Variants in DYNC1LI1 observed in about 807,000 individuals in gnomAD.
DYNC1LI1 encodes the protein dynein cytoplasmic 1 light intermediate chain 1.
DYNC1LI1 carries 19 observed loss-of-function variants against 63.8 expected under a neutral mutation model. That is an observed-to-expected ratio of 0.30 (90% CI 0.21 to 0.44). The LOEUF (loss-of-function observed/expected upper bound fraction) is 0.44, where lower values mean the gene tolerates loss of function less well. Among genes scored for constraint, DYNC1LI1 ranks in the 20% least tolerant of loss-of-function variants. The probability of loss-of-function intolerance (pLI) is 1.00; values close to 1 mark genes in which losing one functional copy is unlikely to be tolerated. For synonymous variants in DYNC1LI1, 225 were observed against 232.3 expected (o/e 0.97, Z 0.28); for missense variants, 565 against 630.2 (o/e 0.90, Z 1.11).
At chr3:32,549,994 C>A (rs538433303) in intron 2 of DYNC1LI1, among the ~76,000 whole-genome samples, 4 of 152,238 alleles carry the variant, frequency 2.6e-5, no homozygotes, top group Admixed American at 1.3e-4. Flanking sequence ...TAGAAATAAT[C>A]ATTGATAATT....
intron 12 of DYNC1LI1, among the ~76,000 whole-genome samples, chr3:32,527,848 T>C (rs1697641350): frequency 1.3e-5 from 2 of 152,066 alleles, no homozygotes; most frequent in South Asian, 2.1e-4. Context: ...AGGCCAGGCA[T>C]GGTGGCTCAT....
intron 2 of DYNC1LI1, among the ~76,000 whole-genome samples, chr3:32,569,748 CCTT>C (rs1316562428): frequency 3.3e-5 from 5 of 152,158 alleles, no homozygotes; most frequent in Admixed American, 3.3e-4. Flanking sequence ...GACCGTTTCT[CCTT>C]ATTACATCCA....
intron 2 of DYNC1LI1, 88 bp downstream of exon 2, chr3:32,570,258 A>T: frequency 9.0e-7 from 1 of 1,105,792 alleles, no homozygotes; most frequent in Non-Finnish European, 1.3e-6. Flanking sequence ...GGCTGTCCGC[A>T]CAAAGAGAGC....
At chr3:32,567,930 C>G (rs1431720260) in intron 2 of DYNC1LI1, among the ~76,000 whole-genome samples, 4 of 152,224 alleles carry the variant, frequency 2.6e-5, no homozygotes, top group African/African-American at 4.8e-5. Context: ...TCTCTAACTC[C>G]TAACTTCAGG....
rs1223417286 is a variant in DYNC1LI1, at chr3:32,557,504, G to A, written c.221-11539C>T. 5.9e-5 allele frequency among the ~76,000 whole-genome samples: 9 copies of A among 151,280 alleles called. No individual in the cohort carries two copies. The South Asian group carries it at 1.0e-3, about 18-fold the overall frequency. On this transcript the variant is annotated intron_variant, in intron 2 of 12. Coordinates refer to ENST00000273130, the MANE Select transcript of DYNC1LI1 (RefSeq NM_016141.4). The stretch of plus-strand genomic sequence containing the variant: ...ACCACTGCACTCCAGCCTGGGCAAC[G>A]AGAGCAAGACTCCGTCTCAAAAAAA...
chr3:32,546,247 A>T (rs1697951219), intron 2 of DYNC1LI1, among the ~76,000 whole-genome samples: 1 of 152,136 alleles, frequency 6.6e-6, no homozygotes. Context: ...GTCTCTACTA[A>T]AAGTAGAAAA....
At chr3:32,529,499 G>C in intron 11 of DYNC1LI1, 41 bp downstream of exon 11, 1 of 1,553,146 alleles carries the variant, frequency 6.4e-7, no homozygotes, top group Non-Finnish European at 8.7e-7. Flanking sequence ...TATTTCTCTT[G>C]TAAAATGTAT....
At chr3:32,553,492 T>G (rs1698071708) in intron 2 of DYNC1LI1, among the ~76,000 whole-genome samples, 1 of 152,318 alleles carries the variant, frequency 6.6e-6, no homozygotes, top group African/African-American at 2.4e-5. Flanking sequence ...TATTGTATAT[T>G]AATGAGTTTG....
intron 5 of DYNC1LI1, 70 bp from the exon 6 acceptor site, chr3:32,537,174 T>C (rs1209094427): frequency 1.2e-6 from 1 of 847,966 alleles, no homozygotes; most frequent in African/African-American, 1.8e-5. Flanking sequence ...ATTTAAACAG[T>C]TCAATTCTGG....
chr3:32,546,621 A>G (rs774336061), intron 2 of DYNC1LI1, among the ~76,000 whole-genome samples: 6 of 152,160 alleles, frequency 3.9e-5, no homozygotes, highest in Non-Finnish European at 8.8e-5. Flanking sequence ...TCTTACTCTT[A>G]GCTTTCAATC....
chr3:32,532,701 C>A (rs547029521), intron 8 of DYNC1LI1: 3 of 276,400 alleles, frequency 1.1e-5, no homozygotes, highest in Admixed American at 5.8e-5. Context: ...TTCACTCATG[C>A]CAATCTGATT....
chr3:32,537,974 T>TATATATATATTATATATATAAATTA (rs67867004), intron 5 of DYNC1LI1, among the ~76,000 whole-genome samples: 1 of 20,524 alleles, frequency 4.9e-5, no homozygotes, highest in Admixed American at 7.3e-4. Flanking sequence ...ATATATATAT[T>TATATATATATTATATATATAAATTA]TATATATAAT....
chr3:32,552,661 T>C (rs1698058508), intron 2 of DYNC1LI1, among the ~76,000 whole-genome samples: 1 of 152,194 alleles, frequency 6.6e-6, no homozygotes, highest in Non-Finnish European at 1.5e-5. Context: ...GTGCCTATTA[T>C]GTCTGCTCCT....
chr3:32,564,157 A>T (rs1040710549), intron 2 of DYNC1LI1, among the ~76,000 whole-genome samples: 2 of 152,202 alleles, frequency 1.3e-5, no homozygotes, highest in South Asian at 2.1e-4. Flanking sequence ...ACAAATTTTT[A>T]AAATTAGCCA....
intron 2 of DYNC1LI1, among the ~76,000 whole-genome samples, chr3:32,551,316 A>T (rs1698035283): frequency 6.6e-6 from 1 of 152,190 alleles, no homozygotes. Flanking sequence ...AGGAAGTAAG[A>T]ACACATGAAA....
chr3:32,561,235 T>C (rs1358897015), intron 2 of DYNC1LI1, among the ~76,000 whole-genome samples: 1 of 151,560 alleles, frequency 6.6e-6, no homozygotes, highest in African/African-American at 2.4e-5. Context: ...ACCTTTACAT[T>C]AAGATGCAAA....
chr3:32,566,367 G>C lies in DYNC1LI1; in HGVS notation c.220+3979C>G, dbSNP rs115674989. ...TAGTACCTGTAAGTGCTCTATGTTA[G>C]GTATTATTATTTATTTTCCTTAGGG... On this transcript the variant is annotated intron_variant, in intron 2 of 12. Coordinates refer to ENST00000273130, the MANE Select transcript of DYNC1LI1 (RefSeq NM_016141.4). Among the ~76,000 whole-genome samples the C allele has an allele frequency of 8.1e-3, 1,227 of 152,214 alleles. 12 individuals are homozygous for C. Among genetic ancestry groups the C allele is most frequent in the African/African-American group, 0.028 (1,173 of 41,524 alleles).
intron 5 of DYNC1LI1, among the ~76,000 whole-genome samples, chr3:32,539,858 T>C (rs987799469): frequency 1.1e-4 from 16 of 147,852 alleles, no homozygotes; most frequent in African/African-American, 3.8e-4. Context: ...TTTTTATTTA[T>C]GTATTTATTT....
rs144106721 is a variant in DYNC1LI1 at position 32,549,780 on chromosome 3, T to C, written c.221-3815A>G. ...CAATGTACACACATTTCAAAACATATTGTACACAATATACACAATTTTTGT... is the reference window on the plus strand; with the variant it reads ...CAATGTACACACATTTCAAAACATACTGTACACAATATACACAATTTTTGT... On this transcript the variant is annotated intron_variant, in intron 2 of 12. Coordinates refer to ENST00000273130, the MANE Select transcript of DYNC1LI1 (RefSeq NM_016141.4). 4.5e-3 allele frequency among the ~76,000 whole-genome samples: 690 copies of C among 152,274 alleles called. 6 individuals are homozygous for C. The highest frequency in any genetic ancestry group is 0.015 in the African/African-American group (644 of 41,570).
Sources: gnomAD v4.1 joint callset for allele counts (sites outside exome capture counted in the v4.1 genomes callset) on GRCh38, gnomAD v4.1.1 for gene constraint, MANE v1.5 for transcripts, NCBI Gene and HGNC (gene_info 2026-07-23, HGNC 2026-07-21) for gene names.